Variants in FRYL observed in about 807,000 individuals in gnomAD.
FRYL encodes protein furry homolog-like.
In FRYL, 150 loss-of-function variants were observed where a neutral mutation model predicts 351.2. The ratio of observed to expected loss-of-function variants is 0.43; its 90% confidence interval spans 0.37 to 0.49. The LOEUF is 0.49. FRYL is among the 20% of genes least tolerant of loss of function. The probability of loss-of-function intolerance (pLI) is 0.00; values close to 1 mark genes in which losing one functional copy is unlikely to be tolerated. For missense variants in FRYL, 3,036 were observed against 3,619.3 expected (o/e 0.84, Z 4.13); for synonymous variants, 1,153 against 1,257.1 (o/e 0.92, Z 1.75).
chr4:48,748,340 T>C (rs1408254203), intron 1 of FRYL, among the ~76,000 whole-genome samples: 1 of 152,220 alleles, frequency 6.6e-6, no homozygotes, highest in Non-Finnish European at 1.5e-5. Flanking sequence ...TCCGAAGTTA[T>C]AGCTATAGAT....
chr4:48,580,600 T>C, intron 22 of FRYL: 1 of 380,254 alleles, frequency 2.6e-6, no homozygotes, highest in East Asian at 3.9e-5. Flanking sequence ...AGATTCCATT[T>C]AACAGAAACT....
At chr4:48,752,603 G>A (rs2149667809) in intron 1 of FRYL, among the ~76,000 whole-genome samples, 1 of 152,268 alleles carries the variant, frequency 6.6e-6, no homozygotes, top group East Asian at 1.9e-4. Context: ...AAAGAGTCAT[G>A]ATATCTGTAA....
intron 4 of FRYL, among the ~76,000 whole-genome samples, chr4:48,632,094 A>ATATATATATATATATATATGTG (rs1553957539): frequency 2.2e-4 from 3 of 13,866 alleles, no homozygotes; most frequent in Non-Finnish European, 5.5e-4. Flanking sequence ...AAAAAAAAAT[A>ATATATATATATATATATATGTG]TATATATATA....
chr4:48,778,337 A>C (rs913374731), intron 1 of FRYL, among the ~76,000 whole-genome samples: 1 of 151,986 alleles, frequency 6.6e-6, no homozygotes, highest in Admixed American at 6.6e-5. Flanking sequence ...CTTTAATAAA[A>C]AAAAAAAAAA....
chr4:48,700,964 A>G (rs76551434), intron 2 of FRYL, among the ~76,000 whole-genome samples: 4,669 of 152,228 alleles, frequency 0.031, 78 homozygotes, highest in Admixed American at 0.048. Context: ...CACATTGCAG[A>G]AACTAGACTC....
chr4:48,583,237 T>C (rs925666797), intron 19 of FRYL, among the ~76,000 whole-genome samples: 5 of 151,870 alleles, frequency 3.3e-5, no homozygotes, highest in African/African-American at 1.2e-4. Context: ...TTGCAAGCAC[T>C]GTCTTCTGGG....
intron 53 of FRYL, among the ~76,000 whole-genome samples, chr4:48,524,186 T>A (rs1725495067): frequency 1.3e-5 from 2 of 152,092 alleles, no homozygotes; most frequent in Non-Finnish European, 2.9e-5. Context: ...AAATCTTTTT[T>A]TTTTTTTTGA....
chr4:48,744,720 C>T (rs1201349441), intron 1 of FRYL, among the ~76,000 whole-genome samples: 6 of 152,138 alleles, frequency 3.9e-5, no homozygotes, highest in Admixed American at 6.5e-5. Context: ...TTTTAAAAAT[C>T]CTTCCCATAC....
chr4:48,773,873 T>C (rs1219554302), intron 1 of FRYL, among the ~76,000 whole-genome samples: 1 of 152,200 alleles, frequency 6.6e-6, no homozygotes, highest in Non-Finnish European at 1.5e-5. Flanking sequence ...AAACTGTAGC[T>C]GTGACTGCAC....
intron 24 of FRYL, among the ~76,000 whole-genome samples, chr4:48,575,826 A>G (rs1739482463): frequency 6.6e-6 from 1 of 152,218 alleles, no homozygotes; most frequent in African/African-American, 2.4e-5. Flanking sequence ...TTTCTTTCCA[A>G]TGGAAAACTA....
At chr4:48,656,427 T>C (rs1759160862) in intron 3 of FRYL, among the ~76,000 whole-genome samples, 1 of 135,206 alleles carries the variant, frequency 7.4e-6, no homozygotes, top group Admixed American at 8.1e-5. Context: ...ATATATAATG[T>C]ATAATCATGT....
chr4:48,512,574 CTCTTCA>C lies in FRYL; in HGVS notation c.8046_8051del (p.Asp2682_Glu2683del), dbSNP rs1722705032. On this transcript the variant is annotated inframe_deletion, in exon 57 of 64. Coordinates refer to ENST00000358350, the MANE Select transcript of FRYL (RefSeq NM_015030.2). ...GATTGACGTGGCAGCGCCAGGCTTC[CTCTTCA>C]TCATCATATGCCACGGGCTGAAAGG... 1 of 1,613,938 alleles carries C rather than the reference CTCTTCA, an allele frequency of 6.2e-7. No individual in the cohort carries two copies. The highest frequency in any genetic ancestry group is 1.1e-5 in the South Asian group (1 of 91,082).
rs71660456 is a variant in FRYL, at chr4:48,696,845, GATCTATCTATCT to G, written c.-203-12062_-203-12051del. 3.1e-3 allele frequency among the ~76,000 whole-genome samples: 450 copies of G among 144,626 alleles called. 1 individual carries two copies. Among genetic ancestry groups the G allele is most frequent in the African/African-American group, 5.3e-3 (208 of 39,340 alleles). The allele number at this position is 144,626 out of a possible 152,430, so 94.9% of individuals were successfully genotyped here. On this transcript the variant is annotated intron_variant, in intron 2 of 63. Coordinates refer to ENST00000358350, the MANE Select transcript of FRYL (RefSeq NM_015030.2). ...GTATAAAAGAAAAATAACGATAAGAGATCTATCTATCTATCTATCTATCTATCTATCTATCTA... is the reference window on the plus strand; with the variant it reads ...GTATAAAAGAAAAATAACGATAAGAGATCTATCTATCTATCTATCTATCTA...
At chr4:48,551,673 C>A in intron 36 of FRYL, 95 bp from the exon 37 acceptor site, 2 of 750,432 alleles carry the variant, frequency 2.7e-6, no homozygotes, top group South Asian at 3.9e-5. Flanking sequence ...CAAAACTTAA[C>A]TAAAATGAGA....
At chr4:48,739,194 C>T (rs1451624143) in intron 1 of FRYL, among the ~76,000 whole-genome samples, 8 of 151,926 alleles carry the variant, frequency 5.3e-5, no homozygotes, top group South Asian at 2.1e-4. Context: ...TGAGGCCAGG[C>T]GTTGAAGACC....
chr4:48,769,238 T>C (rs1775277846), intron 1 of FRYL, among the ~76,000 whole-genome samples: 1 of 152,158 alleles, frequency 6.6e-6, no homozygotes, highest in South Asian at 2.1e-4. Flanking sequence ...AGAGAAAATG[T>C]TTACATACCA....
intron 3 of FRYL, among the ~76,000 whole-genome samples, chr4:48,655,468 T>G (rs1452354721): frequency 6.6e-6 from 1 of 151,730 alleles, no homozygotes; most frequent in Non-Finnish European, 1.5e-5. Context: ...TACATCCCAT[T>G]CTTATACATT....
chr4:48,723,721 G>A (rs115151628), intron 1 of FRYL, among the ~76,000 whole-genome samples: 1,725 of 151,988 alleles, frequency 0.011, 19 homozygotes, highest in Non-Finnish European at 0.017. Flanking sequence ...AACAATTCAA[G>A]GAGACTCTTA....
chr4:48,656,697 G>A (rs1391068340), intron 3 of FRYL, among the ~76,000 whole-genome samples: 1 of 90,110 alleles, frequency 1.1e-5, no homozygotes, highest in Non-Finnish European at 2.2e-5. Flanking sequence ...ACATATATAT[G>A]CATATATATA....
Sources: gnomAD v4.1 joint callset for allele counts (sites outside exome capture counted in the v4.1 genomes callset) on GRCh38, gnomAD v4.1.1 for gene constraint, MANE v1.5 for transcripts, NCBI Gene and HGNC (gene_info 2026-07-23, HGNC 2026-07-21) for gene names.